The following DHX30 variants were observed in gnomAD, a reference collection of about 807,000 sequenced individuals.
The protein encoded by DHX30 is DExH-box helicase 30.
A neutral mutation model predicts 116.9 loss-of-function variants in DHX30; 4 were observed. That is an observed-to-expected ratio of 0.03 (90% CI 0.02 to 0.08). DHX30 has a LOEUF of 0.08. Among genes scored for constraint, DHX30 ranks in the 10% least tolerant of loss-of-function variants. The pLI is 1.00. For synonymous variants in DHX30, 697 were observed against 651.7 expected, an observed-to-expected ratio of 1.07 and a Z score of -1.06; for missense variants, 871 against 1,595.1, an observed-to-expected ratio of 0.55 and a Z score of 7.73.
At chr3:47,810,781 A>C in intron 3 of DHX30, 70 bp downstream of exon 3, 1 of 1,476,200 alleles carries the variant, frequency 6.8e-7, no homozygotes. Flanking sequence ...AGGGCTGTGA[A>C]AGTCTCTCCC....
intron 10 of DHX30, 141 bp downstream of exon 10, chr3:47,845,993 T>C: frequency 7.0e-7 from 1 of 1,437,408 alleles, no homozygotes; most frequent in Non-Finnish European, 9.3e-7. Flanking sequence ...CCCCCTGGCC[T>C]GAACAGCCCA....
At chr3:47,809,487 G>C (rs908807282) in intron 2 of DHX30, among the ~76,000 whole-genome samples, 1 of 151,366 alleles carries the variant, frequency 6.6e-6, no homozygotes, top group Middle Eastern at 3.2e-3. Flanking sequence ...CTCGTGATCC[G>C]CCCACCTCGG....
At chr3:47,835,041 T>C (rs538424783) in intron 6 of DHX30, among the ~76,000 whole-genome samples, 3 of 152,256 alleles carry the variant, frequency 2.0e-5, no homozygotes, top group African/African-American at 7.2e-5. Context: ...TCTTGCTCTG[T>C]TGCCCAGGCT....
chr3:47,847,249 G>A lies in DHX30; in HGVS notation c.1930-24G>A, dbSNP rs767008455. The A allele has an allele frequency of 4.3e-6, 7 of 1,614,166 alleles. No individual in the cohort carries two copies. The Admixed American group carries it at 1.0e-4, about 23-fold the overall frequency. On this transcript the variant is annotated intron_variant, in intron 11 of 21. Coordinates refer to ENST00000445061, the MANE Select transcript of DHX30 (RefSeq NM_138615.3). The surrounding 1 kb of genome is among the most constrained non-coding windows in gnomAD (Gnocchi z 5.5). Reference sequence around the variant, plus strand: ...GACCCCTTACCCCGGGGCTGTGACTGTGGCCTCTCTTCCCCCACCCCAGTC... The same window carrying A: ...GACCCCTTACCCCGGGGCTGTGACTATGGCCTCTCTTCCCCCACCCCAGTC...
In DHX30 at chr3:47,819,314, G is replaced by T. The variant is rs1464417891; in HGVS notation, c.124+1197G>T. ...TGTGCTTTGGCTAAGCTTGAAGACG[G>T]TTAGTCGGGGTTAACCAGGCAGTTG... On this transcript the variant is annotated intron_variant, in intron 4 of 21. Transcript: ENST00000445061. The T allele has an allele frequency of 5.1e-6, 7 of 1,361,146 alleles. No individual in the cohort carries two copies. In the South Asian group the frequency reaches 5.7e-5, roughly 11 times the overall value. The allele number at this position is 1,361,146 out of a possible 1,614,324, so 84.3% of individuals were successfully genotyped here. A position where few individuals can be genotyped will look rare whatever the true frequency, so the allele number is the denominator to read the frequency against.
intron 4 of DHX30, among the ~76,000 whole-genome samples, chr3:47,820,780 A>G (rs896779673): frequency 2.4e-4 from 37 of 152,270 alleles, no homozygotes; most frequent in South Asian, 1.0e-3. Context: ...CTGAGCCAGT[A>G]AATGCTTTCT....
At chr3:47,821,683 C>G (rs1255711362) in intron 4 of DHX30, among the ~76,000 whole-genome samples, 2 of 152,036 alleles carry the variant, frequency 1.3e-5, no homozygotes, top group African/African-American at 4.8e-5. Context: ...ACTGCAACCT[C>G]CCTCCTGGGT....
intron 2 of DHX30, among the ~76,000 whole-genome samples, chr3:47,810,071 A>G (rs1333620906): frequency 6.6e-6 from 1 of 152,172 alleles, no homozygotes; most frequent in Non-Finnish European, 1.5e-5. Flanking sequence ...TTTCATAGAG[A>G]CTGCTATGAA....
intron 3 of DHX30, among the ~76,000 whole-genome samples, chr3:47,817,767 A>G (rs1221947400): frequency 6.6e-6 from 1 of 152,178 alleles, no homozygotes; most frequent in Non-Finnish European, 1.5e-5. Context: ...TTAACCTCAT[A>G]GGGGGTAGCT....
At position 47,806,023 on chromosome 3, in the gene DHX30, G is replaced by T. The variant is rs372769966; in HGVS notation, c.-28+603G>T. On this transcript the variant is annotated intron_variant, in intron 2 of 21. Coordinates refer to ENST00000445061, the MANE Select transcript of DHX30 (RefSeq NM_138615.3). Reference sequence around the variant, plus strand: ...GGTTTTTTGTTTTTGAGACAGTCTTGCCCTGTCGCCCAGGCTGGAGTGCAG... The same window carrying T: ...GGTTTTTTGTTTTTGAGACAGTCTTTCCCTGTCGCCCAGGCTGGAGTGCAG... Among the ~76,000 whole-genome samples, 47 of 152,048 alleles carry T rather than the reference G, an allele frequency of 3.1e-4. No individual in the cohort carries two copies. In the South Asian group the frequency reaches 9.1e-3, roughly 30 times the overall value.
intron 3 of DHX30, among the ~76,000 whole-genome samples, chr3:47,813,716 G>A (rs1464977999): frequency 1.3e-5 from 2 of 152,016 alleles, no homozygotes; most frequent in Non-Finnish European, 1.5e-5. Context: ...TGTGTTCCTC[G>A]AGGCCTGGGA....
At chr3:47,831,748 C>T (rs916091280) in intron 6 of DHX30, among the ~76,000 whole-genome samples, 2 of 151,010 alleles carry the variant, frequency 1.3e-5, no homozygotes, top group African/African-American at 4.9e-5. Context: ...TGGGTTCAAG[C>T]CATCCTCCCG....
intron 2 of DHX30, among the ~76,000 whole-genome samples, chr3:47,807,432 G>A (rs886575503): frequency 6.6e-6 from 1 of 151,802 alleles, no homozygotes; most frequent in African/African-American, 2.4e-5. Context: ...GGCCGGGCAC[G>A]GTGGCTCATG....
intron 6 of DHX30, 59 bp downstream of exon 6, chr3:47,829,193 G>T: frequency 1.1e-6 from 1 of 909,406 alleles, no homozygotes; most frequent in Non-Finnish European, 1.7e-6. Context: ...CTTGCCCTTT[G>T]TTTTTATTGG....
At chr3:47,817,868 A>G (rs1363404259) in intron 3 of DHX30, 154 bp from the exon 4 acceptor site, 4 of 724,296 alleles carry the variant, frequency 5.5e-6, no homozygotes, top group Admixed American at 1.9e-5. Flanking sequence ...TGGCGTTGTT[A>G]GTGCTGTTCC....
Position 47,847,710 on chromosome 3 carries a change from C to T in DHX30, c.2111-71C>T, listed in dbSNP as rs1008582556. On this transcript the variant is annotated intron_variant, in intron 13 of 21. Coordinates refer to ENST00000445061, the MANE Select transcript of DHX30 (RefSeq NM_138615.3). This position sits in a 1 kb window ranked among gnomAD's most constrained non-coding sequence, Gnocchi z 5.5. Reference sequence around the variant, plus strand: ...CATCAAAATGGGGTCAAAATCCTTGCCCTGCCCACATTCCAGGGGGGAATT... The same window carrying T: ...CATCAAAATGGGGTCAAAATCCTTGTCCTGCCCACATTCCAGGGGGGAATT... 1 of 1,553,016 alleles carries T rather than the reference C, an allele frequency of 6.4e-7. No individual in the cohort carries two copies. Among genetic ancestry groups the T allele is most frequent in the South Asian group, 1.2e-5 (1 of 83,642 alleles).
chr3:47,847,665 G>C lies in DHX30; in HGVS notation c.2111-116G>C. The C allele has an allele frequency of 2.7e-6, 4 of 1,474,180 alleles. No homozygotes were observed. Among genetic ancestry groups the C allele is most frequent in the Non-Finnish European group, 3.6e-6 (4 of 1,096,434 alleles). 91.3% of individuals were successfully genotyped at this position (1,474,180 alleles called of 1,614,324 possible). ...GCTGTGGCACTTTTCACTGGGCATA[G>C]TGTTTATCTGCGCCTGTTTCATCAA... On this transcript the variant is annotated intron_variant, in intron 13 of 21. Transcript: ENST00000445061. This position sits in a 1 kb window ranked among gnomAD's most constrained non-coding sequence, Gnocchi z 5.5.
At chr3:47,804,276 C>A (rs918349337) in intron 1 of DHX30, among the ~76,000 whole-genome samples, 1 of 152,136 alleles carries the variant, frequency 6.6e-6, no homozygotes, top group Non-Finnish European at 1.5e-5. Context: ...TTATTAGGGC[C>A]GGGAGCGGTG....
chr3:47,835,444 A>G (rs1440813309), intron 6 of DHX30, among the ~76,000 whole-genome samples: 1 of 152,190 alleles, frequency 6.6e-6, no homozygotes, highest in Non-Finnish European at 1.5e-5. Flanking sequence ...CTGGGATTAC[A>G]GGTGTGAGCC....
Sources: gnomAD v4.1 joint callset for allele counts (sites outside exome capture counted in the v4.1 genomes callset) on GRCh38, gnomAD v4.1.1 for gene constraint, Gnocchi (gnomAD v3.1) non-coding constraint, MANE v1.5 for transcripts, NCBI Gene and HGNC (gene_info 2026-07-23, HGNC 2026-07-21) for gene names.